Variants in SGMS1 observed in about 807,000 individuals in gnomAD.
SGMS1 encodes phosphatidylcholine:ceramide cholinephosphotransferase 1.
Under a neutral mutation model 46.2 loss-of-function variants are expected in SGMS1, and 13 were observed. The observed-to-expected ratio is 0.28, with a 90% CI of 0.18 to 0.45. The LOEUF is 0.45. Among genes scored for constraint, SGMS1 ranks in the 20% least tolerant of loss-of-function variants. The pLI, the probability that SGMS1 is intolerant of heterozygous loss-of-function variation, is 1.00. For missense variants in SGMS1, 324 were observed against 519.9 expected, an observed-to-expected ratio of 0.62 and a Z score of 3.66; for synonymous variants, 203 against 187.8, an observed-to-expected ratio of 1.08 and a Z score of -0.66.
chr10:50,331,612 T>C (rs1847624967), intron 7 of SGMS1, among the ~76,000 whole-genome samples: 1 of 152,336 alleles, frequency 6.6e-6, no homozygotes, highest in South Asian at 2.1e-4. Flanking sequence ...GTCATCCATT[T>C]CTCAACACTC....
At chr10:50,549,343 A>G (rs1372030994) in intron 2 of SGMS1, among the ~76,000 whole-genome samples, 1 of 152,236 alleles carries the variant, frequency 6.6e-6, no homozygotes, top group African/African-American at 2.4e-5. Flanking sequence ...CATATACACC[A>G]TGGAATACTA....
At chr10:50,374,972 G>A (rs1200991112) in intron 6 of SGMS1, among the ~76,000 whole-genome samples, 1 of 152,110 alleles carries the variant, frequency 6.6e-6, no homozygotes, top group Non-Finnish European at 1.5e-5. Flanking sequence ...CGAGGCAGGT[G>A]AAAAGTAAGA....
At chr10:50,341,417 CT>C (rs1409844694) in intron 7 of SGMS1, 54 of 456,006 alleles carry the variant, frequency 1.2e-4, no homozygotes, top group Non-Finnish European at 1.7e-4. Flanking sequence ...GACGACTCTG[CT>C]TTCATTTCCC....
chr10:50,574,092 A>G (rs1335265686), intron 2 of SGMS1, among the ~76,000 whole-genome samples: 1 of 152,184 alleles, frequency 6.6e-6, no homozygotes, highest in Non-Finnish European at 1.5e-5. Context: ...ACAGGGGGGA[A>G]GCTTCTTGAT....
intron 2 of SGMS1, among the ~76,000 whole-genome samples, chr10:50,525,691 G>T (rs932544898): frequency 6.6e-6 from 1 of 152,188 alleles, no homozygotes; most frequent in East Asian, 1.9e-4. Flanking sequence ...GTTTTGTCTA[G>T]GGAAAACAAG....
chr10:50,509,609 CT>C (rs1434236427), intron 3 of SGMS1, among the ~76,000 whole-genome samples: 1 of 152,220 alleles, frequency 6.6e-6, no homozygotes, highest in Non-Finnish European at 1.5e-5. Context: ...TAAACACTAT[CT>C]CCACTAACGC....
intron 6 of SGMS1, among the ~76,000 whole-genome samples, chr10:50,386,230 A>G (rs1848679988): frequency 6.6e-6 from 1 of 152,224 alleles, no homozygotes; most frequent in Admixed American, 6.5e-5. Flanking sequence ...GAATTATAAA[A>G]CTAATTATTG....
At chr10:50,497,672 T>TA (rs1335406370) in intron 3 of SGMS1, among the ~76,000 whole-genome samples, 1 of 152,090 alleles carries the variant, frequency 6.6e-6, no homozygotes, top group Non-Finnish European at 1.5e-5. Context: ...TGCATGCCTG[T>TA]AATCCCAGCT....
intron 7 of SGMS1, among the ~76,000 whole-genome samples, chr10:50,331,098 A>C (rs1199241665): frequency 6.6e-6 from 1 of 152,224 alleles, no homozygotes; most frequent in Non-Finnish European, 1.5e-5. Context: ...TTAATATATA[A>C]GGTTGAAAAA....
At chr10:50,505,770 T>C (rs1273498039) in intron 3 of SGMS1, among the ~76,000 whole-genome samples, 1 of 152,080 alleles carries the variant, frequency 6.6e-6, no homozygotes, top group East Asian at 1.9e-4. Context: ...GAGGGGGTGA[T>C]GTACCTGAAG....
At chr10:50,411,389 G>T (rs1849098083) in intron 6 of SGMS1, among the ~76,000 whole-genome samples, 1 of 152,018 alleles carries the variant, frequency 6.6e-6, no homozygotes, top group Non-Finnish European at 1.5e-5. Context: ...TCAAAAGGGG[G>T]GAAAAAAACA....
chr10:50,337,872 CAAAAA>C (rs56330245), intron 7 of SGMS1, among the ~76,000 whole-genome samples: 1 of 102,768 alleles, frequency 9.7e-6, no homozygotes, highest in Non-Finnish European at 2.0e-5. Flanking sequence ...GGTTAAAATA[CAAAAA>C]AAAAAAAAAA....
intron 6 of SGMS1, among the ~76,000 whole-genome samples, chr10:50,356,429 A>AAGGCGGC (rs1380885420): frequency 2.6e-5 from 4 of 152,260 alleles, no homozygotes; most frequent in Admixed American, 1.3e-4. Flanking sequence ...CGGAAGGCGG[A>AAGGCGGC]AGGCGGCAGG....
At chr10:50,391,346 T>C (rs1038838881) in intron 6 of SGMS1, among the ~76,000 whole-genome samples, 1 of 152,132 alleles carries the variant, frequency 6.6e-6, no homozygotes, top group Non-Finnish European at 1.5e-5. Flanking sequence ...ACATGATAAC[T>C]TACATGGAAA....
At chr10:50,414,548 C>T (rs1449628109) in intron 6 of SGMS1, among the ~76,000 whole-genome samples, 1 of 152,216 alleles carries the variant, frequency 6.6e-6, no homozygotes, top group East Asian at 1.9e-4. Context: ...CTATCCGATT[C>T]TGCTTTAAGC....
chr10:50,589,867 G>A (rs1054020169), intron 2 of SGMS1, among the ~76,000 whole-genome samples: 3 of 152,170 alleles, frequency 2.0e-5, no homozygotes, highest in Non-Finnish European at 4.4e-5. Flanking sequence ...TTAATTAAAT[G>A]GTTCTGTGCC....
chr10:50,526,857 G>C (rs1473926680), intron 2 of SGMS1, among the ~76,000 whole-genome samples: 1 of 152,040 alleles, frequency 6.6e-6, no homozygotes, highest in Non-Finnish European at 1.5e-5. Context: ...ACGAGGTCAA[G>C]AGATCGAGAC....
At chr10:50,419,188 C>A (rs1364814700) in intron 6 of SGMS1, among the ~76,000 whole-genome samples, 2 of 152,090 alleles carry the variant, frequency 1.3e-5, no homozygotes, top group African/African-American at 2.4e-5. Flanking sequence ...AAGGGGGGAA[C>A]TACTGATTAT....
chr10:50,563,366 A>G (rs1838258735), intron 2 of SGMS1, among the ~76,000 whole-genome samples: 1 of 152,222 alleles, frequency 6.6e-6, no homozygotes, highest in Admixed American at 6.5e-5. Context: ...TAATTCAATT[A>G]CAGGAATGTA....
Sources: gnomAD v4.1 joint callset for allele counts (sites outside exome capture counted in the v4.1 genomes callset) on GRCh38, gnomAD v4.1.1 for gene constraint, MANE v1.5 for transcripts, NCBI Gene and HGNC (gene_info 2026-07-23, HGNC 2026-07-21) for gene names.